Variants in SLC7A13 observed in about 807,000 individuals in gnomAD.
SLC7A13 encodes the protein X-amino acid transporter 2.
Under a neutral mutation model 32.0 loss-of-function variants are expected in SLC7A13, and 31 were observed. That is an observed-to-expected ratio of 0.97 (90% confidence interval 0.73 to 1.31). SLC7A13 has a LOEUF of 1.31. Ranked by LOEUF, SLC7A13 falls within the 50% of genes most tolerant of loss-of-function variation. The pLI is 0.00. For synonymous variants in SLC7A13, 232 were observed against 206.9 expected, an observed-to-expected ratio of 1.12 and a Z score of -1.04; for missense variants, 633 against 546.9, an observed-to-expected ratio of 1.16 and a Z score of -1.57.
intron 2 of SLC7A13, among the ~76,000 whole-genome samples, chr8:86,221,331 AT>A (rs1220919122): frequency 6.6e-6 from 1 of 151,950 alleles, no homozygotes; most frequent in Non-Finnish European, 1.5e-5. Context: ...ATGGTTTTTA[AT>A]TTTTTGCTAT....
rs1455801099 is a variant in SLC7A13, at chr8:86,223,097, A to C, written c.692T>G (p.Leu231Arg). Residue 231 changes from leucine (L) to arginine (R), a missense_variant, in exon 2 of 4, where the codon CTG becomes CGG. Physicochemically the swap from Leu to Arg is moderately radical, Grantham distance 102. Coordinates refer to ENST00000297524, the MANE Select transcript of SLC7A13 (RefSeq NM_138817.3). The stretch of plus-strand genomic sequence containing the variant: ...GGGAATTGTTGTTCTGGGCTTCTTC[A>C]GCTCCCCTATAACACAAAAGAGGAC... ...GACFTLIAGE[L>R]KKPRTTIPKC... The C allele has an allele frequency of 1.3e-6, 2 of 1,599,174 alleles. No individual in the cohort carries two copies. Among genetic ancestry groups the C allele is most frequent in the Non-Finnish European group, 1.7e-6 (2 of 1,173,280 alleles).
chr8:86,214,487 C>G lies in SLC7A13; in HGVS notation c.1339G>C (p.Ala447Pro), dbSNP rs758104786. The G allele has an allele frequency of 4.3e-6, 7 of 1,612,406 alleles. No homozygotes were observed. Among genetic ancestry groups the G allele is most frequent in the Non-Finnish European group, 5.9e-6 (7 of 1,179,238 alleles). The part of the protein sequence containing the change: ...IPLIHFKIRL[A>P]WFEKMTCYLQ... ...TAGCAAGTCATCTTCTCAAACCAAGCCAATCTTATTTTAAAATGTATTAAA... is the reference window on the plus strand; with the variant it reads ...TAGCAAGTCATCTTCTCAAACCAAGGCAATCTTATTTTAAAATGTATTAAA... Residue 447 changes from alanine to proline, a missense_variant, in exon 4 of 4, where the codon GCT (alanine) becomes CCT (proline). Transcript: ENST00000297524.
Position 86,217,812 on chromosome 8 carries a change from C to A in SLC7A13, c.837G>T (p.Trp279Cys). 1 of 1,573,504 alleles carries A rather than the reference C, an allele frequency of 6.4e-7. No homozygotes were observed. Among genetic ancestry groups the A allele is most frequent in the Non-Finnish European group, 8.6e-7 (1 of 1,163,090 alleles). The change falls in exon 3 of 4, where the codon TGG becomes TGT. Residue 279 changes from tryptophan to cysteine, a missense_variant. Trp to Cys is a radical substitution (Grantham distance 215). Transcript: ENST00000297524. ...ILSSDAVAIT[W>C]ADRAFPSLAW... Reference sequence around the variant, plus strand: ...CTAATGAGGGAAAAGCTCGATCAGCCCATGTGATAGCTACAGCATCTGCAG... The same window carrying A: ...CTAATGAGGGAAAAGCTCGATCAGCACATGTGATAGCTACAGCATCTGCAG...
chr8:86,223,179 T>C (rs1013336238), intron 1 of SLC7A13, 76 bp from the exon 2 acceptor site: 17 of 1,368,382 alleles, frequency 1.2e-5, no homozygotes, highest in Non-Finnish European at 1.7e-5. Context: ...ATTATTATTT[T>C]TGTATTTGTA....
At position 86,229,903 on chromosome 8, in the gene SLC7A13, G is replaced by A; in HGVS notation, c.375C>T (p.Pro125=). The A allele has an allele frequency of 1.9e-6, 3 of 1,614,038 alleles. No homozygotes were observed. The highest frequency in any genetic ancestry group is 2.5e-6 in the Non-Finnish European group (3 of 1,180,010). ...LAEYSIQPFF[P]SCSVPKLPKK... is the part of the protein sequence containing the mutation. ...TAGGCAGCTTTGGGACAGAGCAGCTGGGAAAAAAAGGCTGGATGCTGTACT... is the reference window on the plus strand; with the variant it reads ...TAGGCAGCTTTGGGACAGAGCAGCTAGGAAAAAAAGGCTGGATGCTGTACT... The change falls in exon 1 of 4, where the codon CCC becomes CCT. Residue 125 remains proline, a synonymous_variant. Transcript: ENST00000297524.
chr8:86,217,515 T>C lies in SLC7A13; in HGVS notation c.1134A>G (p.Ile378Met), dbSNP rs1820206827. The C allele has an allele frequency of 1.9e-6, 3 of 1,603,742 alleles. No individual in the cohort carries two copies. In the Admixed American group the frequency reaches 5.2e-5, roughly 28 times the overall value. ...SLWSILLMIG[I>M]LRRRYQEPNL... Reference sequence around the variant, plus strand: ...TGGGTTCCTGGTATCTCCGCCTTAGTATTCCTATCATTAATAATATAGACC... The same window carrying C: ...TGGGTTCCTGGTATCTCCGCCTTAGCATTCCTATCATTAATAATATAGACC... The change falls in exon 3 of 4, where the codon ATA becomes ATG. Residue 378 changes from isoleucine to methionine, a missense_variant. Coordinates refer to ENST00000297524, the MANE Select transcript of SLC7A13 (RefSeq NM_138817.3).
In SLC7A13 at chr8:86,214,363, A is replaced by T; in HGVS notation, c.*50T>A. ...ATGTTTAACCTTGATTTGGAATCTG[A>T]TATATGTTTTTTAGAAGGCCAATTT... is the stretch of plus-strand genomic sequence containing the variant. On this transcript the variant is annotated 3_prime_UTR_variant, in exon 4 of 4. Transcript: ENST00000297524. The T allele has an allele frequency of 9.8e-7, 1 of 1,015,796 alleles. No homozygotes were observed. The highest frequency in any genetic ancestry group is 1.5e-6 in the Non-Finnish European group (1 of 678,030). 62.9% of individuals were successfully genotyped at this position (1,015,796 alleles called of 1,614,324 possible). A position where few individuals can be genotyped will look rare whatever the true frequency, so the allele number is the denominator to read the frequency against.
At chr8:86,217,949 T>TCTG in intron 2 of SLC7A13, 118 bp from the exon 3 acceptor site, 1 of 1,142,092 alleles carries the variant, frequency 8.8e-7, no homozygotes, top group Non-Finnish European at 1.2e-6. Context: ...AACATTTAGT[T>TCTG]TGCTTAATTT....
At chr8:86,216,934 GT>G (rs1355757377) in intron 3 of SLC7A13, among the ~76,000 whole-genome samples, 4 of 152,156 alleles carry the variant, frequency 2.6e-5, no homozygotes, top group Non-Finnish European at 5.9e-5. Context: ...ATGCTACCAA[GT>G]TTTGCTGCTT....
intron 1 of SLC7A13, among the ~76,000 whole-genome samples, chr8:86,225,694 G>A (rs956708491): frequency 6.6e-5 from 10 of 152,080 alleles, no homozygotes; most frequent in Non-Finnish European, 1.3e-4. Flanking sequence ...GGTCAAGGCA[G>A]GTGGATCACT....
At position 86,217,464 on chromosome 8, in the gene SLC7A13, T is replaced by A. The variant is rs1245291842; in HGVS notation, c.1179+6A>T. 2 of 1,528,682 alleles carry A rather than the reference T, an allele frequency of 1.3e-6. No individual in the cohort carries two copies. The highest frequency in any genetic ancestry group is 1.7e-6 in the Non-Finnish European group (2 of 1,144,444). 94.7% of individuals were successfully genotyped at this position (1,528,682 alleles called of 1,614,324 possible). Reference sequence around the variant, plus strand: ...ACACAGAAAAGAATTAGAAATCCAATTTTACCTTATAAGGTATAGATAGAT... The same window carrying A: ...ACACAGAAAAGAATTAGAAATCCAAATTTACCTTATAAGGTATAGATAGAT... On this transcript the variant is annotated splice_donor_region_variant and intron_variant, in intron 3 of 3. Transcript: ENST00000297524.
rs911390820 is a variant in SLC7A13 at position 86,214,192 on chromosome 8, G to A, written c.*221C>T. 2.6e-6 allele frequency: 1 copy of A among 390,366 alleles called. No individual in the cohort carries two copies. Among genetic ancestry groups the A allele is most frequent in the African/African-American group, 2.0e-5 (1 of 48,930 alleles). 24.2% of individuals were successfully genotyped at this position (390,366 alleles called of 1,614,324 possible). A position where few individuals can be genotyped will look rare whatever the true frequency, so the allele number is the denominator to read the frequency against. ...TCAAGCTACGCAAACCAGGACTTAAGTTTTTTACCATGCGAAGCAGAGCTT... is the reference window on the plus strand; with the variant it reads ...TCAAGCTACGCAAACCAGGACTTAAATTTTTTACCATGCGAAGCAGAGCTT... On this transcript the variant is annotated 3_prime_UTR_variant, in exon 4 of 4. Coordinates refer to ENST00000297524, the MANE Select transcript of SLC7A13 (RefSeq NM_138817.3).
chr8:86,226,160 G>A (rs1820386503), intron 1 of SLC7A13, among the ~76,000 whole-genome samples: 1 of 152,078 alleles, frequency 6.6e-6, no homozygotes, highest in Admixed American at 6.6e-5. Context: ...ATTTTCAGCT[G>A]ACAATAATTA....
At chr8:86,222,084 C>G (rs1042229649) in intron 2 of SLC7A13, among the ~76,000 whole-genome samples, 3 of 152,070 alleles carry the variant, frequency 2.0e-5, no homozygotes, top group African/African-American at 7.2e-5. Flanking sequence ...GCACTGATAC[C>G]ATATGGCATC....
chr8:86,216,522 C>T (rs1253323225), intron 3 of SLC7A13, among the ~76,000 whole-genome samples: 1 of 152,154 alleles, frequency 6.6e-6, no homozygotes, highest in Non-Finnish European at 1.5e-5. Context: ...TACTCAAACA[C>T]ACAACAATTA....
At chr8:86,217,297 TA>T (rs1820200072) in intron 3 of SLC7A13, among the ~76,000 whole-genome samples, 172 bp downstream of exon 3, 1 of 152,172 alleles carries the variant, frequency 6.6e-6, no homozygotes, top group Non-Finnish European at 1.5e-5. Context: ...TTATATTGAA[TA>T]ACCTAGCCAA....
chr8:86,217,901 A>G (rs1024372982), intron 2 of SLC7A13, 70 bp from the exon 3 acceptor site: 172 of 1,422,624 alleles, frequency 1.2e-4, no homozygotes, highest in Non-Finnish European at 1.6e-4. Flanking sequence ...ACCTTTTAAT[A>G]TTATTTCAAA....
At chr8:86,228,803 G>A (rs1820434629) in intron 1 of SLC7A13, among the ~76,000 whole-genome samples, 1 of 151,834 alleles carries the variant, frequency 6.6e-6, no homozygotes, top group South Asian at 2.1e-4. Flanking sequence ...CTGAAATCAT[G>A]CCATTGTACT....
In SLC7A13 at chr8:86,230,090, G is replaced by C. The variant is rs539993555; in HGVS notation, c.188C>G (p.Ser63Ter). 1 of 1,614,174 alleles carries C rather than the reference G, an allele frequency of 6.2e-7. No homozygotes were observed. The highest frequency in any genetic ancestry group is 1.3e-5 in the African/African-American group (1 of 75,048). The change falls in exon 1 of 4, where the codon TCA becomes TGA. Residue 63 changes from serine to a stop codon, truncating the protein, a stop_gained. Transcript: ENST00000297524. LOFTEE classifies it high-confidence loss of function. ...ACTTATCTCTGCAGAGCAAAGAGTTGATGTCATGGCCAGTATGGCACAGCC... is the reference window on the plus strand; with the variant it reads ...ACTTATCTCTGCAGAGCAAAGAGTTCATGTCATGGCCAGTATGGCACAGCC... ...WAGCAILAMT[S>*]TLCSAEISIS...
Sources: allele counts gnomAD v4.1 joint callset (sites outside exome capture counted in the v4.1 genomes callset), GRCh38; gene constraint gnomAD v4.1.1; transcripts MANE v1.5; gene names NCBI Gene and HGNC (gene_info 2026-07-23, HGNC 2026-07-21).